Variants in FAM240A observed in about 807,000 individuals in gnomAD.
The protein encoded by FAM240A is protein FAM240A.
A neutral mutation model predicts 7.3 loss-of-function variants in FAM240A; 8 were observed. The ratio of observed to expected loss-of-function variants is 1.09; its 90% CI spans 0.64 to 1.97. The LOEUF (loss-of-function observed/expected upper bound fraction) is 1.97, where lower values mean the gene tolerates loss of function less well. Among genes scored for constraint, FAM240A ranks in the 30% most tolerant of loss-of-function variants. FAM240A has a pLI of 0.00. For missense variants in FAM240A, 90 were observed against 102.2 expected (o/e 0.88, Z 0.52); for synonymous variants, 32 against 35.9 (o/e 0.89, Z 0.38).
At chr3:46,624,601 G>GTT (rs1030544198) in intron 2 of FAM240A, among the ~76,000 whole-genome samples, 2 of 152,076 alleles carry the variant, frequency 1.3e-5, no homozygotes, top group African/African-American at 4.8e-5. Context: ...TATTTAAGTA[G>GTT]TTTTAAAAAG....
Position 46,618,878 on chromosome 3 carries a change from TATATACACACACAC to T in FAM240A, c.161+1552_161+1565del, listed in dbSNP as rs1308551411. 1.6e-3 allele frequency among the ~76,000 whole-genome samples: 117 copies of T among 73,896 alleles called. 2 individuals carry two copies. Among genetic ancestry groups the T allele is most frequent in the Non-Finnish European group, 2.8e-3 (93 of 32,840 alleles). The allele number at this position is 73,896 out of a possible 152,430, so 48.5% of individuals were successfully genotyped here. ...AGATATATATATATGTATATATATA[TATATACACACACAC>T]ACACACACACACACACACACACACA... On this transcript the variant is annotated intron_variant, in intron 2 of 2. Coordinates refer to ENST00000640551, the MANE Select transcript of FAM240A (RefSeq NM_001195442.2).
At chr3:46,613,909 A>ATTTGTTTG (rs146493522) in intron 1 of FAM240A, among the ~76,000 whole-genome samples, 3 of 151,716 alleles carry the variant, frequency 2.0e-5, no homozygotes, top group African/African-American at 7.3e-5. Flanking sequence ...GGTATTAGAT[A>ATTTGTTTG]TTTGTTTGTT....
intron 2 of FAM240A, among the ~76,000 whole-genome samples, chr3:46,617,892 C>A (rs1451141785): frequency 1.3e-5 from 2 of 152,166 alleles, no homozygotes; most frequent in Non-Finnish European, 2.9e-5. Flanking sequence ...GTGAGTCTGC[C>A]GAGCAGTGGA....
In FAM240A at chr3:46,617,304, G is replaced by A. The variant is rs1339454989; in HGVS notation, c.137G>A (p.Arg46His). 33 of 1,533,530 alleles carry A rather than the reference G, an allele frequency of 2.2e-5. No homozygotes were observed. The highest frequency in any genetic ancestry group is 9.8e-5 in the East Asian group (4 of 40,834). The allele number at this position is 1,533,530 out of a possible 1,614,324, so 95.0% of individuals were successfully genotyped here. ...TACTACCGAGAATCAGAGGAACGTCGTCTGGGAAGAAGCGCACTGAGAAAG... is the reference window on the plus strand; with the variant it reads ...TACTACCGAGAATCAGAGGAACGTCATCTGGGAAGAAGCGCACTGAGAAAG... Reference protein sequence around the residue: ...QTYYRESEERRLGRSALRKLR... With the variant: ...QTYYRESEERHLGRSALRKLR... The change falls in exon 2 of 3, where the codon CGT (arginine) becomes CAT (histidine). Residue 46 changes from arginine to histidine, a missense_variant. Physicochemically the swap from Arg to His is conservative, Grantham distance 29. Transcript: ENST00000640551.
chr3:46,612,798 G>C (rs1046674689), intron 1 of FAM240A, 100 bp downstream of exon 1: 1 of 912,262 alleles, frequency 1.1e-6, no homozygotes, highest in Non-Finnish European at 1.7e-6. Context: ...GGACGCAGCA[G>C]CACGAATTCT....
Position 46,626,289 on chromosome 3 carries a change from A to C in FAM240A, c.*1071A>C, listed in dbSNP as rs1027807933. 4 of 152,202 alleles carry C rather than the reference A, an allele frequency of 2.6e-5. No homozygotes were observed. Among genetic ancestry groups the C allele is most frequent in the African/African-American group, 2.4e-5 (1 of 41,446 alleles). The allele number at this position is 152,202 out of a possible 1,614,324, so 9.4% of individuals were successfully genotyped here. On this transcript the variant is annotated 3_prime_UTR_variant, in exon 3 of 3. Coordinates refer to ENST00000640551, the MANE Select transcript of FAM240A (RefSeq NM_001195442.2). ...GGAGTCCCAAGCTAAGGAATCCGGG[A>C]GTGGCCAACCGGGAGTTTCATACCT...
intron 2 of FAM240A, among the ~76,000 whole-genome samples, chr3:46,618,915 A>ACC (rs1697665195): frequency 7.0e-6 from 1 of 142,954 alleles, no homozygotes; most frequent in Non-Finnish European, 1.5e-5. Flanking sequence ...ACACACACAC[A>ACC]CACATATGCA....
Position 46,612,687 on chromosome 3 carries a change from C to A in FAM240A, c.4C>A (p.Arg2=), listed in dbSNP as rs543178281. ...ATCGATGTCTTCACATCCCTTCATG[C>A]GGTTGTTCTCTGTAAGTGTTAATTA... M[R]LFSGMNNQYT... Residue 2 remains arginine, a synonymous_variant, in exon 1 of 3, where the codon CGG becomes AGG. Coordinates refer to ENST00000640551, the MANE Select transcript of FAM240A (RefSeq NM_001195442.2). 6.5e-6 allele frequency: 10 copies of A among 1,535,256 alleles called. No individual in the cohort carries two copies. The highest frequency in any genetic ancestry group is 7.9e-6 in the Non-Finnish European group (9 of 1,146,108).
Position 46,617,292 on chromosome 3 carries a change from C to A in FAM240A, c.125C>A (p.Ser42Ter). The A allele has an allele frequency of 6.5e-7, 1 of 1,534,872 alleles. No individual in the cohort carries two copies. The highest frequency in any genetic ancestry group is 1.2e-5 in the South Asian group (1 of 83,888). ...GGCAAACAGACTTACTACCGAGAAT[C>A]AGAGGAACGTCGTCTGGGAAGAAGC... ...EIGKQTYYRE[S>*]EERRLGRSAL... is the part of the protein sequence containing the mutation. Residue 42 changes from serine (S) to a stop codon, truncating the protein, a stop_gained, in exon 2 of 3, where the codon TCA (serine) becomes TAA (stop). Transcript: ENST00000640551. LOFTEE classifies it low-confidence loss of function (END_TRUNC).
chr3:46,621,462 G>C (rs925931995), intron 2 of FAM240A, among the ~76,000 whole-genome samples: 2 of 151,964 alleles, frequency 1.3e-5, no homozygotes, highest in Non-Finnish European at 2.9e-5. Context: ...ATTTAGATGT[G>C]TCTTTTTTAA....
chr3:46,620,230 A>T (rs1250501035), intron 2 of FAM240A, among the ~76,000 whole-genome samples: 2 of 150,730 alleles, frequency 1.3e-5, no homozygotes, highest in Non-Finnish European at 3.0e-5. Flanking sequence ...TTTCTTCCCC[A>T]CACCCTTCCT....
chr3:46,615,631 G>A (rs1464103962), intron 1 of FAM240A, among the ~76,000 whole-genome samples: 2 of 152,072 alleles, frequency 1.3e-5, no homozygotes, highest in African/African-American at 4.8e-5. Flanking sequence ...AATCCTCTCT[G>A]GGGCATGCCA....
intron 2 of FAM240A, among the ~76,000 whole-genome samples, chr3:46,620,691 G>A (rs188177604): frequency 2.0e-5 from 3 of 152,280 alleles, no homozygotes; most frequent in African/African-American, 7.2e-5. Flanking sequence ...GAAGGGGAAA[G>A]ATGAGGGAGA....
chr3:46,616,667 T>G (rs1014054620), intron 1 of FAM240A, among the ~76,000 whole-genome samples: 1 of 151,180 alleles, frequency 6.6e-6, no homozygotes, highest in African/African-American at 2.4e-5. Context: ...TTTTGTTCTT[T>G]TTTAGGCTGA....
chr3:46,612,646 C>G lies in FAM240A; in HGVS notation c.-38C>G, dbSNP rs1021640873. ...GCCTCACAGGCGGTCAAGTGCGACA[C>G]ATTTGGTTCGACTGAATCGATGTCT... On this transcript the variant is annotated 5_prime_UTR_variant, in exon 1 of 3. Transcript: ENST00000640551. The G allele has an allele frequency of 1.3e-6, 2 of 1,530,230 alleles. No individual in the cohort carries two copies. The highest frequency in any genetic ancestry group is 2.7e-5 in the African/African-American group (2 of 72,970). 94.8% of individuals were successfully genotyped at this position (1,530,230 alleles called of 1,614,324 possible).
intron 2 of FAM240A, among the ~76,000 whole-genome samples, chr3:46,621,903 G>T (rs1697699064): frequency 6.6e-6 from 1 of 151,860 alleles, no homozygotes; most frequent in Non-Finnish European, 1.5e-5. Context: ...GTTACTTAGA[G>T]TGCTTTATGA....
chr3:46,612,626 A>C lies in FAM240A; in HGVS notation c.-58A>C. ...GCTCCTGGGGCAGCACAGATGCCTC[A>C]CAGGCGGTCAAGTGCGACACATTTG... is the stretch of plus-strand genomic sequence containing the variant. On this transcript the variant is annotated 5_prime_UTR_variant, in exon 1 of 3. Coordinates refer to ENST00000640551, the MANE Select transcript of FAM240A (RefSeq NM_001195442.2). 6.8e-7 allele frequency: 1 copy of C among 1,466,486 alleles called. No homozygotes were observed. Among genetic ancestry groups the C allele is most frequent in the Non-Finnish European group, 9.2e-7 (1 of 1,082,474 alleles). 90.8% of individuals were successfully genotyped at this position (1,466,486 alleles called of 1,614,324 possible). A position where few individuals can be genotyped will look rare whatever the true frequency, so the allele number is the denominator to read the frequency against.
intron 2 of FAM240A, among the ~76,000 whole-genome samples, chr3:46,623,175 G>T (rs980486035): frequency 1.3e-5 from 2 of 151,846 alleles, no homozygotes; most frequent in Admixed American, 1.3e-4. Context: ...TGATTTATGG[G>T]TTATTTAGAA....
At chr3:46,619,876 T>C (rs112021737) in intron 2 of FAM240A, among the ~76,000 whole-genome samples, 2 of 152,210 alleles carry the variant, frequency 1.3e-5, no homozygotes, top group Non-Finnish European at 2.9e-5. Flanking sequence ...ATTTGTGGAA[T>C]GGAGAAACCA....
Sources: allele counts gnomAD v4.1 joint callset (sites outside exome capture counted in the v4.1 genomes callset), GRCh38; gene constraint gnomAD v4.1.1; transcripts MANE v1.5; gene names NCBI Gene and HGNC (gene_info 2026-07-23, HGNC 2026-07-21).